Variants in FBXL7 observed in about 807,000 individuals in gnomAD.
The protein encoded by FBXL7 is F-box/LRR-repeat protein 7.
FBXL7 carries 12 observed loss-of-function variants against 38.3 expected under a neutral mutation model. That is an observed-to-expected ratio of 0.31 (90% CI 0.20 to 0.51). The LOEUF (loss-of-function observed/expected upper bound fraction) is 0.51. Ranked by LOEUF, FBXL7 falls within the 20% of genes least tolerant of loss-of-function variation. The probability of loss-of-function intolerance (pLI) is 0.98; values close to 1 mark genes in which losing one functional copy is unlikely to be tolerated. For missense variants in FBXL7, 567 were observed against 676.4 expected (o/e 0.84, Z 1.79); for synonymous variants, 297 against 300.9 (o/e 0.99, Z 0.13).
rs552079544 is a variant in FBXL7 at position 15,746,477 on chromosome 5, T to G, written c.127+130405T>G. Among the ~76,000 whole-genome samples the G allele has an allele frequency of 2.6e-3, 401 of 152,240 alleles. 2 individuals are homozygous for G. Among genetic ancestry groups the G allele is most frequent in the Non-Finnish European group, 4.7e-3 (317 of 68,010 alleles). ...GTCCAAGATCAAGGCCCTGGCAGAT[T>G]TAGTGTCTGGTGAGGGCCCATTTCC... On this transcript the variant is annotated intron_variant, in intron 2 of 3. Coordinates refer to ENST00000504595, the MANE Select transcript of FBXL7 (RefSeq NM_012304.5).
At chr5:15,838,207 C>T (rs975682132) in intron 2 of FBXL7, among the ~76,000 whole-genome samples, 1 of 152,100 alleles carries the variant, frequency 6.6e-6, no homozygotes, top group Non-Finnish European at 1.5e-5. Context: ...TAACAAAGTG[C>T]CATATAAGCC....
intron 2 of FBXL7, among the ~76,000 whole-genome samples, chr5:15,758,535 A>G (rs1480650603): frequency 6.6e-6 from 1 of 152,162 alleles, no homozygotes; most frequent in African/African-American, 2.4e-5. Flanking sequence ...ATACAAAAAC[A>G]AAGGGCCGGA....
rs1561158762 is a variant in FBXL7, at chr5:15,863,523, GTGA to G, written c.128-64366_128-64364del. On this transcript the variant is annotated intron_variant, in intron 2 of 3. Transcript: ENST00000504595. ...GAATGGTCGATGTGACCTCACATTG[GTGA>G]CAAAATTCCTTTTACTGTCTGGCAC... 7.2e-5 allele frequency among the ~76,000 whole-genome samples: 11 copies of G among 152,208 alleles called. No individual in the cohort carries two copies. In the South Asian group the frequency reaches 2.3e-3, roughly 32 times the overall value.
At position 15,878,210 on chromosome 5, in the gene FBXL7, G is replaced by A. The variant is rs904677932; in HGVS notation, c.128-49680G>A. Among the ~76,000 whole-genome samples the A allele has an allele frequency of 6.6e-5, 10 of 152,132 alleles. No homozygotes were observed. The South Asian group carries it at 1.0e-3, about 16-fold the overall frequency. ...GAACAAAGAACACTGCAGAAGTTGC[G>A]GGGAGTCAGGGATTATAGAGGACTG... is the stretch of plus-strand genomic sequence containing the variant. On this transcript the variant is annotated intron_variant, in intron 2 of 3. Transcript: ENST00000504595.
At chr5:15,566,887 G>A (rs894581456) in intron 1 of FBXL7, among the ~76,000 whole-genome samples, 1 of 152,072 alleles carries the variant, frequency 6.6e-6, no homozygotes, top group African/African-American at 2.4e-5. Context: ...ATTTGTACCT[G>A]TAGAAAGATT....
intron 1 of FBXL7, among the ~76,000 whole-genome samples, chr5:15,511,358 A>G (rs570579404): frequency 2.0e-5 from 3 of 152,334 alleles, no homozygotes; most frequent in Admixed American, 1.3e-4. Context: ...TCTCCAGGAC[A>G]TTAGTAACTT....
At chr5:15,519,709 T>G (rs192035767) in intron 1 of FBXL7, among the ~76,000 whole-genome samples, 189 of 152,242 alleles carry the variant, frequency 1.2e-3, no homozygotes, top group African/African-American at 4.2e-3. Context: ...TTATGGCAAA[T>G]TTGGACATTC....
At chr5:15,885,674 C>T (rs561665902) in intron 2 of FBXL7, among the ~76,000 whole-genome samples, 9 of 152,242 alleles carry the variant, frequency 5.9e-5, no homozygotes, top group African/African-American at 1.2e-4. Flanking sequence ...ATGTATAAGT[C>T]GCACTGGGCA....
At chr5:15,546,553 C>T (rs937515326) in intron 1 of FBXL7, among the ~76,000 whole-genome samples, 3 of 151,740 alleles carry the variant, frequency 2.0e-5, no homozygotes, top group South Asian at 2.1e-4. Flanking sequence ...GGTGACATAG[C>T]GAGACTCTGT....
At chr5:15,735,838 C>T (rs1735734724) in intron 2 of FBXL7, among the ~76,000 whole-genome samples, 1 of 152,150 alleles carries the variant, frequency 6.6e-6, no homozygotes, top group Non-Finnish European at 1.5e-5. Flanking sequence ...GAGAAGAGAG[C>T]ACTGGGGTAT....
At chr5:15,743,073 T>G (rs1234443074) in intron 2 of FBXL7, among the ~76,000 whole-genome samples, 1 of 152,086 alleles carries the variant, frequency 6.6e-6, no homozygotes, top group Non-Finnish European at 1.5e-5. Context: ...AAGATGAGAT[T>G]TGGGTGAAGA....
rs148728974 is a variant in FBXL7 at position 15,668,368 on chromosome 5, TTGTGTGTGTGTGTGTGTG to T, written c.127+52320_127+52337del. ...TCCTCCTACTCCTTTATATTTGTGT[TTGTGTGTGTGTGTGTGTG>T]TGTGTGTGTGTGTGTGTGTGTGTTT... On this transcript the variant is annotated intron_variant, in intron 2 of 3. Transcript: ENST00000504595. Among the ~76,000 whole-genome samples the T allele has an allele frequency of 7.0e-4, 102 of 145,766 alleles. 2 individuals carry two copies. The highest frequency in any genetic ancestry group is 2.1e-3 in the African/African-American group (84 of 39,892).
chr5:15,541,404 A>ATGTG (rs3033686), intron 1 of FBXL7, among the ~76,000 whole-genome samples: 1 of 135,812 alleles, frequency 7.4e-6, no homozygotes, highest in African/African-American at 2.8e-5. Flanking sequence ...ATCCATATAT[A>ATGTG]TGTGTATATA....
At chr5:15,754,201 T>C (rs910870300) in intron 2 of FBXL7, among the ~76,000 whole-genome samples, 1 of 152,230 alleles carries the variant, frequency 6.6e-6, no homozygotes, top group African/African-American at 2.4e-5. Context: ...CTTCTGGTAT[T>C]AACATTGGGT....
chr5:15,818,585 G>A (rs1212189279), intron 2 of FBXL7, among the ~76,000 whole-genome samples: 1 of 152,010 alleles, frequency 6.6e-6, no homozygotes, highest in Non-Finnish European at 1.5e-5. Flanking sequence ...TTAGCTTCCT[G>A]TATCTACAAG....
chr5:15,854,732 T>A (rs435109), intron 2 of FBXL7, among the ~76,000 whole-genome samples: 5 of 151,874 alleles, frequency 3.3e-5, no homozygotes, highest in African/African-American at 4.8e-5. Flanking sequence ...CTGAAGCGAG[T>A]GACAAACATC....
At chr5:15,847,637 G>T (rs1245586004) in intron 2 of FBXL7, among the ~76,000 whole-genome samples, 1 of 152,132 alleles carries the variant, frequency 6.6e-6, no homozygotes, top group Non-Finnish European at 1.5e-5. Context: ...ATATGGAAAA[G>T]GTGGGGGGAC....
At chr5:15,722,438 C>T (rs1489716731) in intron 2 of FBXL7, among the ~76,000 whole-genome samples, 1 of 152,108 alleles carries the variant, frequency 6.6e-6, no homozygotes, top group African/African-American at 2.4e-5. Flanking sequence ...TTGTTAACCT[C>T]GGCTATTCAA....
At position 15,644,363 on chromosome 5, in the gene FBXL7, T is replaced by C. The variant is rs375484303; in HGVS notation, c.127+28291T>C. 2.8e-3 allele frequency among the ~76,000 whole-genome samples: 408 copies of C among 146,482 alleles called. 2 individuals carry two copies. Among genetic ancestry groups the C allele is most frequent in the African/African-American group, 9.7e-3 (389 of 39,930 alleles). On this transcript the variant is annotated intron_variant, in intron 2 of 3. Transcript: ENST00000504595. ...GGTAGTGCATGCCTGTAATCCCAGC[T>C]ACTCAGGAGGCTGAGGCAGGAGAAT...
Sources: gnomAD v4.1 joint callset for allele counts (sites outside exome capture counted in the v4.1 genomes callset) on GRCh38, gnomAD v4.1.1 for gene constraint, MANE v1.5 for transcripts, NCBI Gene and HGNC (gene_info 2026-07-23, HGNC 2026-07-21) for gene names.